ZNF90: variants seen among roughly 807,000 people sequenced by gnomAD.
ZNF90 encodes zinc finger protein 90, also known as zinc finger protein HTF9.
A neutral mutation model predicts 12.0 loss-of-function variants in ZNF90; 11 were observed. The ratio of observed to expected loss-of-function variants is 0.92; its 90% CI spans 0.58 to 1.52. ZNF90 has a LOEUF of 1.52. Ranked by LOEUF, ZNF90 falls within the 40% of genes most tolerant of loss-of-function variation. The pLI is 0.00. For missense variants in ZNF90, 765 were observed against 711.5 expected (o/e 1.08, Z -0.86); for synonymous variants, 232 against 240.1 (o/e 0.97, Z 0.31).
chr19:20,117,211 A>G (rs984889717), intron 3 of ZNF90, among the ~76,000 whole-genome samples: 8 of 151,018 alleles, frequency 5.3e-5, no homozygotes, highest in Non-Finnish European at 8.9e-5. Context: ...CCTGGCTAAT[A>G]TTTTGTATTT....
intron 1 of ZNF90, among the ~76,000 whole-genome samples, chr19:20,101,656 A>G (rs2088990967): frequency 6.6e-6 from 1 of 152,116 alleles, no homozygotes; most frequent in Non-Finnish European, 1.5e-5. Context: ...TTGTCATGCT[A>G]GGAGGTAGAC....
intron 1 of ZNF90, chr19:20,087,212 A>G (rs1555702197): frequency 6.6e-6 from 1 of 152,222 alleles, no homozygotes; most frequent in Non-Finnish European, 1.5e-5. Flanking sequence ...TTTTAGGGGA[A>G]TATTTTCTGA....
At chr19:20,079,952 T>TTTG in intron 1 of ZNF90, 2 of 374,298 alleles carry the variant, frequency 5.3e-6, no homozygotes, top group Non-Finnish European at 1.0e-5. Context: ...TTTTTTTTTT[T>TTTG]GAGATGAAGT....
intron 1 of ZNF90, among the ~76,000 whole-genome samples, chr19:20,100,427 T>A (rs184184189): frequency 7.4e-4 from 112 of 152,342 alleles, no homozygotes; most frequent in African/African-American, 2.3e-3. Flanking sequence ...ACCTCCTTGT[T>A]AAGTTTGTCT....
chr19:20,096,589 A>G (rs976563879), intron 1 of ZNF90, among the ~76,000 whole-genome samples: 1 of 152,098 alleles, frequency 6.6e-6, no homozygotes, highest in African/African-American at 2.4e-5. Context: ...CAGGAAAAGG[A>G]CTTTCACAAG....
chr19:20,095,183 T>G (rs977963662), intron 1 of ZNF90, among the ~76,000 whole-genome samples: 11 of 151,904 alleles, frequency 7.2e-5, no homozygotes, highest in Non-Finnish European at 1.2e-4. Flanking sequence ...GGAATCGCAT[T>G]GGGAACAGAG....
At chr19:20,112,825 T>C (rs1305602405) in intron 3 of ZNF90, among the ~76,000 whole-genome samples, 1 of 152,198 alleles carries the variant, frequency 6.6e-6, no homozygotes, top group African/African-American at 2.4e-5. Flanking sequence ...TATTTCTTTT[T>C]CCCTATATTC....
intron 1 of ZNF90, among the ~76,000 whole-genome samples, chr19:20,088,467 G>A (rs953632612): frequency 6.6e-6 from 1 of 152,140 alleles, no homozygotes. Flanking sequence ...GGTATTAAAG[G>A]ACTAAGAATT....
In ZNF90 at chr19:20,080,304, G is replaced by C. The variant is rs187955688; in HGVS notation, c.3+2169G>C. ...TATTAGATGTATTGTAGACAACATG[G>C]ACGATCCTTGTTTTACCAGTACAAC... On this transcript the variant is annotated intron_variant, in intron 1 of 3. Transcript: ENST00000418063. 1.9e-3 allele frequency: 1,013 copies of C among 544,816 alleles called. 3 individuals carry two copies. Among genetic ancestry groups the C allele is most frequent in the Non-Finnish European group, 2.6e-3 (725 of 276,680 alleles). The allele number at this position is 544,816 out of a possible 1,614,324, so 33.7% of individuals were successfully genotyped here.
At chr19:20,087,977 C>T (rs1028052788) in intron 1 of ZNF90, among the ~76,000 whole-genome samples, 1 of 151,922 alleles carries the variant, frequency 6.6e-6, no homozygotes, top group Non-Finnish European at 1.5e-5. Flanking sequence ...AGGCAAGGAC[C>T]GGCCATTTAC....
intron 1 of ZNF90, among the ~76,000 whole-genome samples, chr19:20,096,225 C>T (rs993120527): frequency 3.3e-5 from 5 of 152,088 alleles, no homozygotes; most frequent in Non-Finnish European, 4.4e-5. Flanking sequence ...TTGGGCTGGT[C>T]GGTCTGAGGA....
intron 3 of ZNF90, among the ~76,000 whole-genome samples, chr19:20,109,769 A>T (rs2089070796): frequency 6.6e-6 from 1 of 151,858 alleles, no homozygotes; most frequent in African/African-American, 2.4e-5. Flanking sequence ...TCCCAGCTAC[A>T]TGGGAGATTG....
intron 3 of ZNF90, among the ~76,000 whole-genome samples, chr19:20,110,329 A>T (rs1599652052): frequency 1.3e-5 from 2 of 152,034 alleles, no homozygotes; most frequent in East Asian, 1.9e-4. Context: ...CCCAGGCTGG[A>T]GTGCAGTGGT....
chr19:20,116,574 A>G (rs2089138928), intron 3 of ZNF90, among the ~76,000 whole-genome samples: 1 of 152,172 alleles, frequency 6.6e-6, no homozygotes, highest in African/African-American at 2.4e-5. Flanking sequence ...GTACATTGCA[A>G]TCTTTGATTG....
intron 1 of ZNF90, among the ~76,000 whole-genome samples, chr19:20,101,378 G>A (rs1208107735): frequency 6.6e-6 from 1 of 152,150 alleles, no homozygotes; most frequent in African/African-American, 2.4e-5. Flanking sequence ...GAGAACAAAG[G>A]GCTTGCAGCC....
chr19:20,114,969 G>T lies in ZNF90; in HGVS notation c.227-2812G>T, dbSNP rs557128861. ...TGAAACCCTAATTTGAGACACACAC[G>T]CACACAAATACACACATGGATAAAC... On this transcript the variant is annotated intron_variant, in intron 3 of 3. Transcript: ENST00000418063. Among the ~76,000 whole-genome samples the T allele has an allele frequency of 2.0e-5, 3 of 151,866 alleles. No individual in the cohort carries two copies. In the East Asian group the frequency reaches 5.8e-4, roughly 29 times the overall value.
At chr19:20,105,443 GTT>G (rs782482690) in intron 3 of ZNF90, 127 bp downstream of exon 3, 1 of 734,444 alleles carries the variant, frequency 1.4e-6, no homozygotes. Context: ...CTGGGATTCT[GTT>G]TTTTGTTTTG....
intron 3 of ZNF90, among the ~76,000 whole-genome samples, chr19:20,114,811 GTCCCCT>G (rs2089122436): frequency 6.6e-6 from 1 of 151,240 alleles, no homozygotes; most frequent in African/African-American, 2.5e-5. Context: ...CTGCCTTCTA[GTCCCCT>G]GTTCCCTTAC....
intron 3 of ZNF90, chr19:20,107,167 C>T (rs1372497821): frequency 2.7e-5 from 10 of 369,752 alleles, no homozygotes; most frequent in Non-Finnish European, 4.8e-5. Flanking sequence ...TGAACCGCTT[C>T]AGGGACCCCA....
Sources: allele counts gnomAD v4.1 joint callset (sites outside exome capture counted in the v4.1 genomes callset), GRCh38; gene constraint gnomAD v4.1.1; transcripts MANE v1.5; gene names NCBI Gene and HGNC (gene_info 2026-07-23, HGNC 2026-07-21).